The following PDE4B variants were observed in gnomAD, a reference collection of about 807,000 sequenced individuals.
The protein encoded by PDE4B is 3',5'-cyclic-AMP phosphodiesterase 4B.
In PDE4B, 20 loss-of-function variants were observed where a neutral mutation model predicts 82.2. That is an observed-to-expected ratio of 0.24 (90% CI 0.17 to 0.35). PDE4B has a LOEUF of 0.35. Ranked by LOEUF, PDE4B falls within the 10% of genes least tolerant of loss-of-function variation. The probability of loss-of-function intolerance (pLI) is 1.00; values close to 1 mark genes in which losing one functional copy is unlikely to be tolerated. For missense variants in PDE4B, 655 were observed against 907.2 expected (o/e 0.72, Z 3.57); for synonymous variants, 320 against 318.9 (o/e 1.00, Z -0.04).
intron 3 of PDE4B, among the ~76,000 whole-genome samples, chr1:66,065,083 A>G (rs1428984347): frequency 1.3e-5 from 2 of 151,928 alleles, no homozygotes; most frequent in African/African-American, 4.8e-5. Flanking sequence ...CAAGATTTTA[A>G]ATCAAAGGCC....
chr1:66,105,916 T>C (rs1182048581), intron 3 of PDE4B, among the ~76,000 whole-genome samples: 6 of 152,086 alleles, frequency 3.9e-5, no homozygotes, highest in South Asian at 4.2e-4. Flanking sequence ...CTTTTCCTAA[T>C]TGAATACCCT....
chr1:66,118,332 C>A (rs1224353322), intron 3 of PDE4B, among the ~76,000 whole-genome samples: 1 of 152,070 alleles, frequency 6.6e-6, no homozygotes, highest in Non-Finnish European at 1.5e-5. Context: ...AAATGTCCAA[C>A]AATGATAGAC....
chr1:66,300,417 G>A (rs1657802437), intron 7 of PDE4B, among the ~76,000 whole-genome samples: 1 of 152,072 alleles, frequency 6.6e-6, no homozygotes, highest in African/African-American at 2.4e-5. Flanking sequence ...GCACCTCCTT[G>A]CTCAGAGATC....
At chr1:65,833,124 C>T (rs556536636) in intron 1 of PDE4B, among the ~76,000 whole-genome samples, 23 of 152,294 alleles carry the variant, frequency 1.5e-4, no homozygotes, top group East Asian at 7.7e-4. Flanking sequence ...ATTGCATAAT[C>T]TAGCCCATCT....
intron 3 of PDE4B, among the ~76,000 whole-genome samples, chr1:66,162,066 A>G (rs1448707005): frequency 2.0e-5 from 3 of 152,066 alleles, no homozygotes; most frequent in Non-Finnish European, 2.9e-5. Flanking sequence ...GCTAGTTTTA[A>G]TTCAAGTGCT....
intron 3 of PDE4B, among the ~76,000 whole-genome samples, chr1:65,966,189 C>G (rs1236035415): frequency 2.0e-5 from 3 of 152,168 alleles, no homozygotes; most frequent in African/African-American, 4.8e-5. Flanking sequence ...TGATAAGCAA[C>G]TTCAGCAAAG....
intron 3 of PDE4B, among the ~76,000 whole-genome samples, chr1:66,170,908 A>G (rs1460601827): frequency 1.3e-5 from 2 of 152,204 alleles, no homozygotes; most frequent in African/African-American, 4.8e-5. Flanking sequence ...GAGTATGGCC[A>G]TACATTTTAA....
intron 3 of PDE4B, among the ~76,000 whole-genome samples, chr1:66,036,053 A>G (rs1654042769): frequency 6.6e-6 from 1 of 152,192 alleles, no homozygotes; most frequent in African/African-American, 2.4e-5. Context: ...GTGAAGTGAT[A>G]TGTCATTGTG....
intron 1 of PDE4B, among the ~76,000 whole-genome samples, chr1:65,900,473 G>C (rs537691668): frequency 6.6e-6 from 1 of 151,922 alleles, no homozygotes; most frequent in South Asian, 2.1e-4. Context: ...TTTTAGAATA[G>C]TTTTATTCTA....
intron 8 of PDE4B, among the ~76,000 whole-genome samples, chr1:66,336,674 A>G (rs949182604): frequency 2.0e-5 from 3 of 151,408 alleles, no homozygotes; most frequent in Admixed American, 6.6e-5. Context: ...ATGAAGCATT[A>G]GGACTTAGCA....
chr1:65,943,648 C>A (rs1458278834), intron 3 of PDE4B, among the ~76,000 whole-genome samples: 8 of 151,878 alleles, frequency 5.3e-5, no homozygotes, highest in African/African-American at 1.4e-4. Flanking sequence ...GATTCCCTCT[C>A]CATATATCCG....
chr1:66,278,827 C>T (rs1010077585), intron 7 of PDE4B, among the ~76,000 whole-genome samples: 15 of 151,234 alleles, frequency 9.9e-5, no homozygotes, highest in Admixed American at 2.6e-4. Context: ...AGTTCTGTGC[C>T]GTGTGTGTGT....
chr1:65,974,320 C>T (rs536854925), intron 3 of PDE4B, among the ~76,000 whole-genome samples: 28 of 152,210 alleles, frequency 1.8e-4, no homozygotes, highest in African/African-American at 6.5e-4. Flanking sequence ...ATTGCTTCAA[C>T]CTGATTCTAT....
intron 3 of PDE4B, among the ~76,000 whole-genome samples, chr1:66,009,579 C>T (rs1652352499): frequency 6.6e-6 from 1 of 152,124 alleles, no homozygotes; most frequent in African/African-American, 2.4e-5. Flanking sequence ...CTTTCCTTCC[C>T]CTCACACCAT....
intron 1 of PDE4B, among the ~76,000 whole-genome samples, chr1:65,893,074 G>C (rs903247495): frequency 1.5e-4 from 23 of 152,076 alleles, no homozygotes; most frequent in African/African-American, 5.3e-4. Context: ...TTGTGAAAGA[G>C]AAGTATCTAG....
At chr1:66,203,208 G>A (rs12038459) in intron 3 of PDE4B, among the ~76,000 whole-genome samples, 30,784 of 151,918 alleles carry the variant, frequency 0.2, 3,277 homozygotes, top group East Asian at 0.26. Context: ...AGTTTCTGCC[G>A]AGAGATCTGC....
chr1:66,053,187 C>T (rs72918262), intron 3 of PDE4B, among the ~76,000 whole-genome samples: 12 of 152,086 alleles, frequency 7.9e-5, no homozygotes, highest in South Asian at 2.1e-4. Flanking sequence ...AACTCATTAG[C>T]GTGTACAAAA....
chr1:66,187,861 T>A (rs1378756450), intron 3 of PDE4B, among the ~76,000 whole-genome samples: 6 of 151,964 alleles, frequency 3.9e-5, no homozygotes, highest in African/African-American at 1.4e-4. Flanking sequence ...TTTAGTTATT[T>A]CTTGCCTTCT....
intron 3 of PDE4B, among the ~76,000 whole-genome samples, chr1:66,009,215 G>C (rs980387507): frequency 6.6e-6 from 1 of 152,052 alleles, no homozygotes; most frequent in Admixed American, 6.6e-5. Flanking sequence ...GTTTTTCTCT[G>C]ATATTTCCCA....
Sources: allele counts gnomAD v4.1 joint callset (sites outside exome capture counted in the v4.1 genomes callset), GRCh38; gene constraint gnomAD v4.1.1; transcripts MANE v1.5; gene names NCBI Gene and HGNC (gene_info 2026-07-23, HGNC 2026-07-21).